The following CDH18 variants were observed in gnomAD, a reference collection of about 807,000 sequenced individuals.
CDH18 encodes cadherin-18.
A neutral mutation model predicts 67.9 loss-of-function variants in CDH18; 31 were observed. The observed-to-expected ratio is 0.46, with a 90% confidence interval of 0.34 to 0.62. CDH18 has a LOEUF of 0.62. Ranked by LOEUF, CDH18 falls within the 20% of genes least tolerant of loss-of-function variation. CDH18 has a pLI of 0.01. For synonymous variants in CDH18, 362 were observed against 347.2 expected (o/e 1.04, Z -0.48); for missense variants, 890 against 975.5 (o/e 0.91, Z 1.17).
At chr5:20,267,909 A>G (rs956459198) in intron 1 of CDH18, among the ~76,000 whole-genome samples, 1 of 152,158 alleles carries the variant, frequency 6.6e-6, no homozygotes, top group East Asian at 1.9e-4. Flanking sequence ...CAGGTAGTGA[A>G]CAGAGTAGCC....
intron 2 of CDH18, among the ~76,000 whole-genome samples, chr5:20,245,917 C>G (rs1307101501): frequency 6.6e-6 from 1 of 151,974 alleles, no homozygotes; most frequent in Admixed American, 6.6e-5. Context: ...GCTTTGTAAG[C>G]CCTTAAGCAG....
chr5:19,508,036 T>A (rs1744494523), intron 10 of CDH18, among the ~76,000 whole-genome samples: 1 of 151,360 alleles, frequency 6.6e-6, no homozygotes, highest in Admixed American at 6.6e-5. Context: ...TAAGCTTCAA[T>A]TTTTATTAAT....
At chr5:20,258,687 A>G (rs900950187) in intron 1 of CDH18, among the ~76,000 whole-genome samples, 1 of 152,148 alleles carries the variant, frequency 6.6e-6, no homozygotes, top group African/African-American at 2.4e-5. Context: ...CAATTCTTAC[A>G]ACATGGATGG....
intron 2 of CDH18, among the ~76,000 whole-genome samples, chr5:19,914,226 T>C (rs1337449400): frequency 2.6e-5 from 4 of 152,100 alleles, no homozygotes; most frequent in African/African-American, 9.7e-5. Flanking sequence ...AAAAATAGCA[T>C]AACCTTTAGT....
chr5:19,819,810 A>G (rs1330801416), intron 3 of CDH18, among the ~76,000 whole-genome samples: 1 of 152,134 alleles, frequency 6.6e-6, no homozygotes, highest in Non-Finnish European at 1.5e-5. Flanking sequence ...TTGGGAGAAC[A>G]GGGCTGCCTT....
intron 3 of CDH18, among the ~76,000 whole-genome samples, chr5:19,832,507 TC>T (rs1781166146): frequency 6.6e-6 from 1 of 152,082 alleles, no homozygotes; most frequent in African/African-American, 2.4e-5. Flanking sequence ...TTTGGAGTTA[TC>T]CCTTCTCACG....
chr5:20,290,886 T>C (rs1561943616), intron 1 of CDH18, among the ~76,000 whole-genome samples: 3 of 152,116 alleles, frequency 2.0e-5, no homozygotes, highest in Non-Finnish European at 2.9e-5. Context: ...ATGGGAGTCA[T>C]TGAGAACTTA....
At chr5:20,366,439 AT>A (rs1344173202) in intron 1 of CDH18, among the ~76,000 whole-genome samples, 1 of 152,040 alleles carries the variant, frequency 6.6e-6, no homozygotes, top group African/African-American at 2.4e-5. Context: ...TTTTTAACCA[AT>A]TTCTCCATAG....
At chr5:19,582,760 G>A (rs948484144) in intron 7 of CDH18, among the ~76,000 whole-genome samples, 4 of 151,852 alleles carry the variant, frequency 2.6e-5, no homozygotes, top group African/African-American at 7.2e-5. Context: ...CAATGGGTTG[G>A]GATGACTTAT....
At chr5:19,846,603 T>C (rs1382238600) in intron 2 of CDH18, among the ~76,000 whole-genome samples, 5 of 152,104 alleles carry the variant, frequency 3.3e-5, no homozygotes, top group Non-Finnish European at 7.4e-5. Context: ...AACCCATATA[T>C]AGGGAGGGCC....
chr5:20,143,110 T>C (rs914180707), intron 2 of CDH18, among the ~76,000 whole-genome samples: 1 of 152,152 alleles, frequency 6.6e-6, no homozygotes, highest in African/African-American at 2.4e-5. Context: ...ATTCTAGTGA[T>C]GGCTCAGAAA....
At chr5:19,830,165 G>T (rs933359900) in intron 3 of CDH18, among the ~76,000 whole-genome samples, 6 of 151,928 alleles carry the variant, frequency 3.9e-5, no homozygotes, top group Non-Finnish European at 7.4e-5. Context: ...AAAAGCAATT[G>T]CAACTAAACA....
intron 1 of CDH18, among the ~76,000 whole-genome samples, chr5:20,366,802 T>C (rs1041189342): frequency 1.3e-5 from 2 of 152,196 alleles, no homozygotes; most frequent in African/African-American, 2.4e-5. Context: ...AGCCAACATA[T>C]AGAAAGCTCT....
chr5:20,353,333 C>T (rs1031946776), intron 1 of CDH18, among the ~76,000 whole-genome samples: 1 of 152,020 alleles, frequency 6.6e-6, no homozygotes, highest in African/African-American at 2.4e-5. Context: ...GATTGCTTTT[C>T]AATAAGACAA....
At chr5:20,305,108 G>A (rs960545755) in intron 1 of CDH18, 5 of 1,554,332 alleles carry the variant, frequency 3.2e-6, no homozygotes, top group African/African-American at 1.4e-5. Flanking sequence ...TTTGCAGCAA[G>A]AGAACCAAAG....
chr5:19,940,637 T>C (rs536090865), intron 2 of CDH18, among the ~76,000 whole-genome samples: 1 of 152,224 alleles, frequency 6.6e-6, no homozygotes, highest in Non-Finnish European at 1.5e-5. Flanking sequence ...TTACTGGCCT[T>C]TGTGGATCTA....
chr5:20,088,052 G>A (rs971944014), intron 2 of CDH18, among the ~76,000 whole-genome samples: 4 of 152,138 alleles, frequency 2.6e-5, no homozygotes, highest in Non-Finnish European at 4.4e-5. Flanking sequence ...TATGGGCAAG[G>A]AAAGAAATGC....
chr5:19,607,791 T>C (rs1421521965), intron 6 of CDH18, among the ~76,000 whole-genome samples: 2 of 151,236 alleles, frequency 1.3e-5, no homozygotes, highest in African/African-American at 2.4e-5. Context: ...GAAAGTACAA[T>C]TATAGAAAAC....
At chr5:19,698,725 G>A (rs1762843526) in intron 5 of CDH18, among the ~76,000 whole-genome samples, 1 of 151,970 alleles carries the variant, frequency 6.6e-6, no homozygotes, top group Non-Finnish European at 1.5e-5. Flanking sequence ...TGACACCTTT[G>A]AAAAGGGAGA....
Sources: gnomAD v4.1 joint callset for allele counts (sites outside exome capture counted in the v4.1 genomes callset) on GRCh38, gnomAD v4.1.1 for gene constraint, MANE v1.5 for transcripts, NCBI Gene and HGNC (gene_info 2026-07-23, HGNC 2026-07-21) for gene names.